The following ASTN2 variants were observed in gnomAD, a reference collection of about 807,000 sequenced individuals.
The protein encoded by ASTN2 is astrotactin 2.
ASTN2 carries 54 observed loss-of-function variants against 139.8 expected under a neutral mutation model. The observed-to-expected ratio is 0.39, with a 90% CI of 0.31 to 0.48. The LOEUF is 0.48. Among genes scored for constraint, ASTN2 ranks in the 20% least tolerant of loss-of-function variants. The pLI, the probability that ASTN2 is intolerant of heterozygous loss-of-function variation, is 0.95. For missense variants in ASTN2, 1,565 were observed against 1,725.1 expected, an observed-to-expected ratio of 0.91 and a Z score of 1.64; for synonymous variants, 756 against 719.5, an observed-to-expected ratio of 1.05 and a Z score of -0.81.
At chr9:117,367,168 T>C (rs1829866702) in intron 1 of ASTN2, among the ~76,000 whole-genome samples, 1 of 152,210 alleles carries the variant, frequency 6.6e-6, no homozygotes, top group African/African-American at 2.4e-5. Flanking sequence ...CCATTTTGTG[T>C]GCTGTTTTGT....
chr9:117,338,714 T>C (rs1363487084), intron 1 of ASTN2, among the ~76,000 whole-genome samples: 2 of 152,188 alleles, frequency 1.3e-5, no homozygotes, highest in Non-Finnish European at 2.9e-5. Context: ...GGGTGGATTA[T>C]TGGGTTGGTG....
intron 7 of ASTN2, among the ~76,000 whole-genome samples, chr9:116,984,001 CAA>C (rs1462168009): frequency 6.6e-6 from 1 of 152,158 alleles, no homozygotes; most frequent in Non-Finnish European, 1.5e-5. Context: ...GTTATTTTGG[CAA>C]AAGTTTCTGA....
chr9:116,940,977 C>T (rs557270487), intron 10 of ASTN2, among the ~76,000 whole-genome samples: 2 of 152,300 alleles, frequency 1.3e-5, no homozygotes, highest in African/African-American at 4.8e-5. Flanking sequence ...GTATTCAGTA[C>T]AGTAACAGGC....
chr9:116,652,661 A>C (rs189450624), intron 16 of ASTN2, among the ~76,000 whole-genome samples: 1 of 152,316 alleles, frequency 6.6e-6, no homozygotes, highest in African/African-American at 2.4e-5. Flanking sequence ...AAATTCTGAG[A>C]AATGGGGTTA....
At chr9:116,991,208 AG>A (rs1233593137) in intron 7 of ASTN2, among the ~76,000 whole-genome samples, 5 of 152,314 alleles carry the variant, frequency 3.3e-5, no homozygotes, top group Admixed American at 2.0e-4. Context: ...TTCTATTCAG[AG>A]GCCTTTAGTC....
chr9:117,323,284 C>T (rs1462289507), intron 1 of ASTN2, among the ~76,000 whole-genome samples: 2 of 152,042 alleles, frequency 1.3e-5, no homozygotes, highest in Non-Finnish European at 2.9e-5. Context: ...CCACCTCTGA[C>T]CCCCCAAAGC....
At position 117,143,390 on chromosome 9, in the gene ASTN2, C is replaced by A. The variant is rs150658210; in HGVS notation, c.1016-1912G>T. Among the ~76,000 whole-genome samples, 18 of 152,280 alleles carry A rather than the reference C, an allele frequency of 1.2e-4. No homozygotes were observed. The East Asian group carries it at 3.1e-3, about 26-fold the overall frequency. On this transcript the variant is annotated intron_variant, in intron 3 of 22. Coordinates refer to ENST00000313400, the MANE Select transcript of ASTN2 (RefSeq NM_001365068.1). ...TCATGCCAAGTTTTGATTCCGTAAA[C>A]CCAGAGAGAAAAGTGCTTTGCCCAA... is the stretch of plus-strand genomic sequence containing the variant.
chr9:117,398,456 T>A lies in ASTN2; in HGVS notation c.442+16041A>T, dbSNP rs146711339. Among the ~76,000 whole-genome samples, 14 of 152,316 alleles carry A rather than the reference T, an allele frequency of 9.2e-5. No homozygotes were observed. The East Asian group carries it at 2.7e-3, about 29-fold the overall frequency. On this transcript the variant is annotated intron_variant, in intron 1 of 22. Coordinates refer to ENST00000313400, the MANE Select transcript of ASTN2 (RefSeq NM_001365068.1). ...GGCAGCTAAGAGTGGAGCACCTCTGTAACAGAAATCCAGAGCAACTCATAC... is the reference window on the plus strand; with the variant it reads ...GGCAGCTAAGAGTGGAGCACCTCTGAAACAGAAATCCAGAGCAACTCATAC...
chr9:116,602,903 C>A (rs1426770562), intron 19 of ASTN2, among the ~76,000 whole-genome samples: 1 of 152,166 alleles, frequency 6.6e-6, no homozygotes. Context: ...GCACTCCAGC[C>A]TGGGTGACAG....
chr9:116,646,538 T>C (rs1348551588), intron 17 of ASTN2, among the ~76,000 whole-genome samples: 3 of 152,158 alleles, frequency 2.0e-5, no homozygotes, highest in Non-Finnish European at 4.4e-5. Context: ...TTTGTGGCCA[T>C]ATTCCCTTCC....
At chr9:116,862,807 T>TACAA (rs1554755026) in intron 11 of ASTN2, among the ~76,000 whole-genome samples, 1 of 90,810 alleles carries the variant, frequency 1.1e-5, no homozygotes, top group East Asian at 3.2e-4. Context: ...CACACACAAA[T>TACAA]ACACACACAC....
chr9:117,166,626 T>A (rs1830676114), intron 3 of ASTN2, among the ~76,000 whole-genome samples: 1 of 152,072 alleles, frequency 6.6e-6, no homozygotes, highest in African/African-American at 2.4e-5. Flanking sequence ...CTATTCCTCA[T>A]CTCCCCTAGC....
intron 3 of ASTN2, among the ~76,000 whole-genome samples, chr9:117,182,063 CA>C (rs915995488): frequency 6.6e-6 from 1 of 152,114 alleles, no homozygotes; most frequent in Non-Finnish European, 1.5e-5. Context: ...TCACAGTTCA[CA>C]AGGCTGCTGT....
chr9:117,366,900 G>A (rs995831086), intron 1 of ASTN2, among the ~76,000 whole-genome samples: 4 of 151,956 alleles, frequency 2.6e-5, no homozygotes, highest in Non-Finnish European at 4.4e-5. Flanking sequence ...TCAGCCTCCT[G>A]AGTAGCTGGG....
intron 3 of ASTN2, among the ~76,000 whole-genome samples, chr9:117,179,054 C>T (rs1273667210): frequency 6.6e-6 from 1 of 152,178 alleles, no homozygotes; most frequent in Non-Finnish European, 1.5e-5. Context: ...TGCACACAAT[C>T]CTTAACAGTC....
At chr9:116,543,265 T>G (rs868450400) in intron 19 of ASTN2, among the ~76,000 whole-genome samples, 3 of 104,326 alleles carry the variant, frequency 2.9e-5, no homozygotes, top group Non-Finnish European at 5.8e-5. Flanking sequence ...CCTATCTGTA[T>G]GAAAACTACA....
At chr9:116,968,881 A>C (rs1416695294) in intron 10 of ASTN2, among the ~76,000 whole-genome samples, 1 of 144,014 alleles carries the variant, frequency 6.9e-6, no homozygotes, top group Non-Finnish European at 1.5e-5. Flanking sequence ...CCTGGATGAC[A>C]GAGTGAGACT....
chr9:116,775,307 A>G (rs1244080003), intron 13 of ASTN2, among the ~76,000 whole-genome samples: 1 of 151,908 alleles, frequency 6.6e-6, no homozygotes, highest in Non-Finnish European at 1.5e-5. Context: ...ATGTGGACCC[A>G]TTCTTTATGT....
chr9:116,743,783 G>A (rs187576616), intron 13 of ASTN2, among the ~76,000 whole-genome samples: 205 of 152,232 alleles, frequency 1.3e-3, no homozygotes, highest in Non-Finnish European at 1.1e-3. Context: ...GATTTCAGGC[G>A]TGAGCCACCG....
Sources: allele counts gnomAD v4.1 joint callset (sites outside exome capture counted in the v4.1 genomes callset), GRCh38; gene constraint gnomAD v4.1.1; transcripts MANE v1.5; gene names NCBI Gene and HGNC (gene_info 2026-07-23, HGNC 2026-07-21).